GALNT1: variants seen among roughly 807,000 people sequenced by gnomAD.
GALNT1 encodes polypeptide N-acetylgalactosaminyltransferase 1, also known as GalNAc transferase 1.
GALNT1 carries 17 observed loss-of-function variants against 65.7 expected under a neutral mutation model. That is an observed-to-expected ratio of 0.26 (90% CI 0.18 to 0.39). The LOEUF (loss-of-function observed/expected upper bound fraction) is 0.39, where lower values mean the gene tolerates loss of function less well. Among genes scored for constraint, GALNT1 ranks in the 10% least tolerant of loss-of-function variants. The pLI is 1.00. For missense variants in GALNT1, 460 were observed against 672.8 expected (o/e 0.68, Z 3.50); for synonymous variants, 210 against 219.7 (o/e 0.96, Z 0.39).
chr18:35,625,668 A>G (rs2046908085), intron 1 of GALNT1, among the ~76,000 whole-genome samples: 1 of 152,102 alleles, frequency 6.6e-6, no homozygotes, highest in African/African-American at 2.4e-5. Context: ...GATTTGGGGG[A>G]TTCCATGACC....
chr18:35,646,472 C>G (rs933178312), intron 1 of GALNT1, among the ~76,000 whole-genome samples: 1 of 152,184 alleles, frequency 6.6e-6, no homozygotes, highest in African/African-American at 2.4e-5. Context: ...AAGGGGGTCT[C>G]ACTTTCATGC....
At chr18:35,693,002 A>T (rs987582721) in intron 9 of GALNT1, among the ~76,000 whole-genome samples, 14 of 152,342 alleles carry the variant, frequency 9.2e-5, no homozygotes, top group Admixed American at 9.2e-4. Context: ...AGTAAAGCAG[A>T]GATCCTGCTC....
chr18:35,674,082 A>G (rs1483407060), intron 3 of GALNT1, among the ~76,000 whole-genome samples: 2 of 152,200 alleles, frequency 1.3e-5, no homozygotes, highest in Admixed American at 1.3e-4. Context: ...TAAATATGGT[A>G]TAAAAGATGA....
chr18:35,626,232 T>C (rs2046915229), intron 1 of GALNT1, among the ~76,000 whole-genome samples: 1 of 152,182 alleles, frequency 6.6e-6, no homozygotes, highest in African/African-American at 2.4e-5. Flanking sequence ...TCCTTCTATA[T>C]TGCAAGCTCG....
Position 35,709,786 on chromosome 18 carries a change from A to C in GALNT1, c.*16A>C. ...AATATTCTGAGACCAAATTTACAAA[A>C]AAACGAAAAAAATAAGGATTGACTG... On this transcript the variant is annotated 3_prime_UTR_variant, in exon 12 of 12. Transcript: ENST00000269195. 6.2e-7 allele frequency: 1 copy of C among 1,613,618 alleles called. No individual in the cohort carries two copies. Among genetic ancestry groups the C allele is most frequent in the Non-Finnish European group, 8.5e-7 (1 of 1,179,718 alleles).
chr18:35,613,318 C>CTT (rs2046741710), intron 1 of GALNT1, among the ~76,000 whole-genome samples: 1 of 151,978 alleles, frequency 6.6e-6, no homozygotes, highest in Non-Finnish European at 1.5e-5. Context: ...CTATTCAAAA[C>CTT]TTTAAGAGGC....
Position 35,710,053 on chromosome 18 carries a change from C to G in GALNT1, c.*283C>G, listed in dbSNP as rs1417040077. 1 of 298,734 alleles carries G rather than the reference C, an allele frequency of 3.3e-6. No homozygotes were observed. The allele number at this position is 298,734 out of a possible 1,614,324, so 18.5% of individuals were successfully genotyped here. On this transcript the variant is annotated 3_prime_UTR_variant, in exon 12 of 12. Transcript: ENST00000269195. ...AAAATCATGGTAAAGAATACTGAGACAATGAAAAAAAATCAACAAAATATG... is the reference window on the plus strand; with the variant it reads ...AAAATCATGGTAAAGAATACTGAGAGAATGAAAAAAAATCAACAAAATATG...
At chr18:35,705,853 C>T (rs954050074) in intron 11 of GALNT1, among the ~76,000 whole-genome samples, 2 of 152,108 alleles carry the variant, frequency 1.3e-5, no homozygotes, top group African/African-American at 4.8e-5. Flanking sequence ...TTAGCTTTTC[C>T]TTGTGGCCAC....
chr18:35,613,124 C>G (rs491044), intron 1 of GALNT1, among the ~76,000 whole-genome samples: 54,553 of 151,944 alleles, frequency 0.36, 10,238 homozygotes, highest in Middle Eastern at 0.52. Flanking sequence ...ATCTAGTTTA[C>G]TTATGTTTAT....
chr18:35,596,565 C>A (rs1218804792), intron 1 of GALNT1: 1 of 152,144 alleles, frequency 6.6e-6, no homozygotes, highest in Admixed American at 6.5e-5. Context: ...CTTGTAGATA[C>A]CTGAGAGTGA....
At chr18:35,598,314 C>T (rs2046533030) in intron 1 of GALNT1, among the ~76,000 whole-genome samples, 1 of 151,956 alleles carries the variant, frequency 6.6e-6, no homozygotes, top group Non-Finnish European at 1.5e-5. Context: ...GGATTACAGG[C>T]GTGAGCCACT....
At chr18:35,698,124 A>G (rs2048090850) in intron 9 of GALNT1, among the ~76,000 whole-genome samples, 1 of 152,158 alleles carries the variant, frequency 6.6e-6, no homozygotes, top group Non-Finnish European at 1.5e-5. Flanking sequence ...ATTTTCTCCT[A>G]TGTGTCAGCA....
chr18:35,649,511 A>C (rs1329471925), intron 1 of GALNT1, among the ~76,000 whole-genome samples: 10 of 152,140 alleles, frequency 6.6e-5, no homozygotes, highest in Non-Finnish European at 1.5e-5. Flanking sequence ...ATTTTCTTTC[A>C]AAGAAAAATT....
At chr18:35,589,568 A>G (rs1231926559) in intron 1 of GALNT1, among the ~76,000 whole-genome samples, 1 of 152,150 alleles carries the variant, frequency 6.6e-6, no homozygotes, top group Non-Finnish European at 1.5e-5. Flanking sequence ...GCTGGGATAT[A>G]TGAGGCAAAA....
At chr18:35,611,815 C>T (rs1487432078) in intron 1 of GALNT1, among the ~76,000 whole-genome samples, 1 of 152,168 alleles carries the variant, frequency 6.6e-6, no homozygotes. Flanking sequence ...GGGAAACATT[C>T]TTAACTCAGT....
chr18:35,625,131 T>A (rs1021656656), intron 1 of GALNT1, among the ~76,000 whole-genome samples: 2 of 152,220 alleles, frequency 1.3e-5, no homozygotes, highest in African/African-American at 2.4e-5. Context: ...TTTCATAACA[T>A]CTTTAGGGCT....
At chr18:35,708,560 CTA>C (rs1259834928) in intron 11 of GALNT1, among the ~76,000 whole-genome samples, 2 of 152,198 alleles carry the variant, frequency 1.3e-5, no homozygotes, top group African/African-American at 4.8e-5. Context: ...AATCAGATAA[CTA>C]TGTGTTAAAC....
At chr18:35,672,678 T>G (rs891382057) in intron 3 of GALNT1, among the ~76,000 whole-genome samples, 44 of 151,564 alleles carry the variant, frequency 2.9e-4, no homozygotes, top group African/African-American at 1.0e-3. Context: ...TTCAGAAGAG[T>G]TAAATAGAAG....
chr18:35,644,316 C>T (rs368172136), intron 1 of GALNT1, among the ~76,000 whole-genome samples: 2 of 152,164 alleles, frequency 1.3e-5, no homozygotes, highest in South Asian at 4.1e-4. Context: ...TTTTCTTTGG[C>T]TATCGAATAA....
Sources: gnomAD v4.1 joint callset for allele counts (sites outside exome capture counted in the v4.1 genomes callset) on GRCh38, gnomAD v4.1.1 for gene constraint, MANE v1.5 for transcripts, NCBI Gene and HGNC (gene_info 2026-07-23, HGNC 2026-07-21) for gene names.